The following NAV2 variants were observed in gnomAD, a reference collection of about 807,000 sequenced individuals.
The protein encoded by NAV2 is helicase, APC down-regulated 1.
In NAV2, 54 loss-of-function variants were observed where a neutral mutation model predicts 223.2. That is an observed-to-expected ratio of 0.24 (90% confidence interval 0.19 to 0.30). The LOEUF (loss-of-function observed/expected upper bound fraction) is 0.30, where lower values mean the gene tolerates loss of function less well. Among genes scored for constraint, NAV2 ranks in the 10% least tolerant of loss-of-function variants. The probability of loss-of-function intolerance (pLI) is 1.00; values close to 1 mark genes in which losing one functional copy is unlikely to be tolerated. For missense variants in NAV2, 2,806 were observed against 3,147.5 expected, an observed-to-expected ratio of 0.89 and a Z score of 2.60; for synonymous variants, 1,279 against 1,239.3, an observed-to-expected ratio of 1.03 and a Z score of -0.67.
intron 1 of NAV2, among the ~76,000 whole-genome samples, chr11:19,696,961 CAAGAA>C (rs2152275104): frequency 1.3e-5 from 2 of 152,244 alleles, no homozygotes; most frequent in African/African-American, 4.8e-5. Flanking sequence ...ATTTCAAAGA[CAAGAA>C]AACTGAGGCA....
At chr11:19,546,684 A>G (rs1187365287) in intron 1 of NAV2, among the ~76,000 whole-genome samples, 1 of 152,160 alleles carries the variant, frequency 6.6e-6, no homozygotes, top group Non-Finnish European at 1.5e-5. Flanking sequence ...AAGAGATTTT[A>G]TTTCCCAGGT....
chr11:19,889,051 C>T (rs904219141), intron 5 of NAV2, among the ~76,000 whole-genome samples: 1 of 152,184 alleles, frequency 6.6e-6, no homozygotes, highest in Non-Finnish European at 1.5e-5. Context: ...AGTGGCCTCC[C>T]AGGTTTGCTT....
intron 1 of NAV2, among the ~76,000 whole-genome samples, chr11:19,658,905 T>C (rs967016610): frequency 6.6e-6 from 1 of 152,196 alleles, no homozygotes; most frequent in Non-Finnish European, 1.5e-5. Flanking sequence ...AGGAAAGTTA[T>C]AGAGTCAGGA....
chr11:19,618,230 A>T (rs1475097478), intron 1 of NAV2, among the ~76,000 whole-genome samples: 7 of 152,016 alleles, frequency 4.6e-5, no homozygotes, highest in Non-Finnish European at 8.8e-5. Flanking sequence ...GGATAGATGG[A>T]TGGATGGATG....
At position 19,557,094 on chromosome 11, in the gene NAV2, A is replaced by T. The variant is rs531623437; in HGVS notation, c.75+206067A>T. Reference sequence around the variant, plus strand: ...AATTTTAAAATTAAATAAGCAAATGAACAAAGAAAATATAATTCAGGCTTA... The same window carrying T: ...AATTTTAAAATTAAATAAGCAAATGTACAAAGAAAATATAATTCAGGCTTA... On this transcript the variant is annotated intron_variant, in intron 1 of 37. Transcript: ENST00000360655. Among the ~76,000 whole-genome samples the T allele has an allele frequency of 2.6e-5, 4 of 152,372 alleles. No homozygotes were observed. In the East Asian group the frequency reaches 7.7e-4, roughly 29 times the overall value.
At chr11:19,565,523 C>T (rs2045239912) in intron 1 of NAV2, among the ~76,000 whole-genome samples, 1 of 152,168 alleles carries the variant, frequency 6.6e-6, no homozygotes, top group Non-Finnish European at 1.5e-5. Context: ...CCCAGGAACC[C>T]AGGAGTCAGG....
intron 1 of NAV2, among the ~76,000 whole-genome samples, chr11:19,409,163 C>T (rs1423704126): frequency 6.6e-6 from 1 of 152,038 alleles, no homozygotes. Flanking sequence ...CCCATGTCAG[C>T]CAAGCCTTTG....
chr11:19,707,451 C>T (rs2049699541), intron 1 of NAV2, among the ~76,000 whole-genome samples: 1 of 152,162 alleles, frequency 6.6e-6, no homozygotes, highest in Non-Finnish European at 1.5e-5. Flanking sequence ...CAAACAGACA[C>T]ATTAGCCTAG....
chr11:19,461,805 T>C (rs1852172018), intron 1 of NAV2, among the ~76,000 whole-genome samples: 1 of 152,218 alleles, frequency 6.6e-6, no homozygotes, highest in Non-Finnish European at 1.5e-5. Context: ...TTATGAACCT[T>C]ATATCTCGGT....
At chr11:19,856,927 G>A (rs560197716) in intron 3 of NAV2, among the ~76,000 whole-genome samples, 1 of 152,180 alleles carries the variant, frequency 6.6e-6, no homozygotes, top group Non-Finnish European at 1.5e-5. Context: ...GACTGTTCGT[G>A]AACAACCAGA....
chr11:19,852,635 A>G (rs2061207359), intron 3 of NAV2, among the ~76,000 whole-genome samples: 1 of 152,254 alleles, frequency 6.6e-6, no homozygotes, highest in Middle Eastern at 3.2e-3. Flanking sequence ...TAATTAACAT[A>G]ACATTTAAGC....
chr11:19,674,321 C>T (rs1175738599), intron 1 of NAV2, among the ~76,000 whole-genome samples: 2 of 152,196 alleles, frequency 1.3e-5, no homozygotes, highest in East Asian at 1.9e-4. Flanking sequence ...GACGGGAGGG[C>T]GCGCTCTCAA....
In NAV2 at chr11:19,859,137, C is replaced by CTTTTTTTTTTTTTTTTT. The variant is rs569446282; in HGVS notation, c.439-9782_439-9766dup. Among the ~76,000 whole-genome samples, 829 of 106,850 alleles carry CTTTTTTTTTTTTTTTTT rather than the reference C, an allele frequency of 7.8e-3. 17 individuals carry two copies. Among genetic ancestry groups the CTTTTTTTTTTTTTTTTT allele is most frequent in the Middle Eastern group, 0.012 (2 of 168 alleles). 70.1% of individuals were successfully genotyped at this position (106,850 alleles called of 152,430 possible). On this transcript the variant is annotated intron_variant, in intron 3 of 37. Coordinates refer to ENST00000349880, the MANE Select transcript of NAV2 (RefSeq NM_145117.5). Reference sequence around the variant, plus strand: ...ATGGAGGAGTCCAAAATCATATTCTCTTTTTTTTTTTTTTTTTTTTTTATT... The same window carrying CTTTTTTTTTTTTTTTTT: ...ATGGAGGAGTCCAAAATCATATTCTCTTTTTTTTTTTTTTTTTTTTTTTTTTTTTTTTTTTTTTTATT...
Position 20,106,175 on chromosome 11 carries a change from A to ATGTGTGTGTGTG in NAV2, c.6841+457_6841+458insGTGTGTGTGTGT, listed in dbSNP as rs1201940130. ...TGTGTGTATATATATATATATATAT[A>ATGTGTGTGTGTG]TGTGTGTGTATATATATATATATAT... is the stretch of plus-strand genomic sequence containing the variant. On this transcript the variant is annotated intron_variant, in intron 35 of 37. Transcript: ENST00000349880. 6.7e-4 allele frequency among the ~76,000 whole-genome samples: 24 copies of ATGTGTGTGTGTG among 35,828 alleles called. 4 individuals are homozygous for ATGTGTGTGTGTG. The highest frequency in any genetic ancestry group is 8.9e-4 in the African/African-American group (9 of 10,098). The allele number at this position is 35,828 out of a possible 152,430, so 23.5% of individuals were successfully genotyped here.
At chr11:20,047,251 A>G (rs1301935252) in intron 14 of NAV2, among the ~76,000 whole-genome samples, 2 of 152,246 alleles carry the variant, frequency 1.3e-5, no homozygotes, top group Admixed American at 6.5e-5. Context: ...GTGTAATGGA[A>G]TGCTTGAAAA....
intron 11 of NAV2, among the ~76,000 whole-genome samples, chr11:19,989,665 C>T (rs1353263790): frequency 6.6e-6 from 1 of 152,120 alleles, no homozygotes; most frequent in Non-Finnish European, 1.5e-5. Context: ...TTGCTCTATG[C>T]CAGGAACTGT....
chr11:19,610,191 C>T (rs1174607662), intron 1 of NAV2, among the ~76,000 whole-genome samples: 1 of 152,176 alleles, frequency 6.6e-6, no homozygotes, highest in South Asian at 2.1e-4. Flanking sequence ...CAGCTCAGTT[C>T]CTGAAATAAA....
At chr11:19,997,406 G>C (rs1413579923) in intron 11 of NAV2, among the ~76,000 whole-genome samples, 1 of 152,188 alleles carries the variant, frequency 6.6e-6, no homozygotes, top group South Asian at 2.1e-4. Flanking sequence ...ACCAGAAACA[G>C]AGGCTCCTTG....
intron 3 of NAV2, among the ~76,000 whole-genome samples, chr11:19,856,961 G>GCA (rs2061441075): frequency 6.6e-6 from 1 of 152,230 alleles, no homozygotes; most frequent in Non-Finnish European, 1.5e-5. Flanking sequence ...GCCGATAGTG[G>GCA]CAAATTGGCT....
Sources: gnomAD v4.1 joint callset for allele counts (sites outside exome capture counted in the v4.1 genomes callset) on GRCh38, gnomAD v4.1.1 for gene constraint, MANE v1.5 for transcripts, NCBI Gene and HGNC (gene_info 2026-07-23, HGNC 2026-07-21) for gene names.